Variants in IMMP2L observed in about 807,000 individuals in gnomAD.
IMMP2L encodes the protein inner mitochondrial membrane peptidase subunit 2, also known as mitochondrial inner membrane protease subunit 2.
In IMMP2L, 18 loss-of-function variants were observed where a neutral mutation model predicts 19.3. The observed-to-expected ratio is 0.93, with a 90% CI of 0.64 to 1.38. IMMP2L has a LOEUF of 1.38. Among genes scored for constraint, IMMP2L ranks in the 40% most tolerant of loss-of-function variants. The pLI, the probability that IMMP2L is intolerant of heterozygous loss-of-function variation, is 0.00. For synonymous variants in IMMP2L, 76 were observed against 73.0 expected (o/e 1.04, Z -0.21); for missense variants, 233 against 218.2 (o/e 1.07, Z -0.43).
In IMMP2L at chr7:111,360,588, T is replaced by C. The variant is rs1414846110; in HGVS notation, c.239+126650A>G. ...ATCCCAGCACTTTTGGAAGCTGAGGTAGAAGGATTGCTTGAACCCAGGAGT... is the reference window on the plus strand; with the variant it reads ...ATCCCAGCACTTTTGGAAGCTGAGGCAGAAGGATTGCTTGAACCCAGGAGT... On this transcript the variant is annotated intron_variant, in intron 3 of 5. Transcript: ENST00000405709. Among the ~76,000 whole-genome samples, 5 of 152,110 alleles carry C rather than the reference T, an allele frequency of 3.3e-5. No individual in the cohort carries two copies. In the East Asian group the frequency reaches 9.7e-4, roughly 29 times the overall value.
intron 3 of IMMP2L, among the ~76,000 whole-genome samples, chr7:111,382,746 C>A (rs1443502562): frequency 6.6e-6 from 1 of 152,012 alleles, no homozygotes; most frequent in South Asian, 2.1e-4. Context: ...CAAACCTGAA[C>A]AGAAGAAAGA....
At chr7:111,390,482 T>C (rs562400238) in intron 3 of IMMP2L, 7 of 152,312 alleles carry the variant, frequency 4.6e-5, no homozygotes, top group Non-Finnish European at 1.0e-4. Context: ...TTTTATAATT[T>C]TGTCTTGTGA....
intron 3 of IMMP2L, among the ~76,000 whole-genome samples, chr7:111,367,328 G>A (rs992511780): frequency 6.6e-6 from 1 of 151,680 alleles, no homozygotes; most frequent in Non-Finnish European, 1.5e-5. Flanking sequence ...AGCACAAAAG[G>A]ACATACGCTA....
chr7:111,337,676 T>A (rs1283825702), intron 3 of IMMP2L, among the ~76,000 whole-genome samples: 2 of 143,824 alleles, frequency 1.4e-5, no homozygotes, highest in African/African-American at 2.6e-5. Context: ...TGGGCAGATG[T>A]ATGGACAGTT....
intron 5 of IMMP2L, among the ~76,000 whole-genome samples, chr7:110,834,569 T>C (rs925158968): frequency 9.2e-5 from 14 of 152,132 alleles, no homozygotes; most frequent in Non-Finnish European, 2.9e-5. Context: ...AGTATAAACA[T>C]ATATACCTCA....
intron 3 of IMMP2L, among the ~76,000 whole-genome samples, chr7:111,073,433 A>C (rs1373435955): frequency 6.6e-6 from 1 of 152,192 alleles, no homozygotes; most frequent in African/African-American, 2.4e-5. Context: ...CAAAATTGAA[A>C]GTTAAAAATT....
chr7:110,925,783 T>A (rs1814784557), intron 4 of IMMP2L, among the ~76,000 whole-genome samples: 1 of 151,974 alleles, frequency 6.6e-6, no homozygotes, highest in Admixed American at 6.6e-5. Context: ...GAATGAATGA[T>A]CCTGTTCTCA....
intron 3 of IMMP2L, among the ~76,000 whole-genome samples, chr7:110,964,677 A>G (rs1398591795): frequency 6.6e-6 from 1 of 152,022 alleles, no homozygotes; most frequent in South Asian, 2.1e-4. Flanking sequence ...TGTGAGGTCA[A>G]TAGTTTATGG....
At chr7:110,919,608 T>G (rs950808997) in intron 4 of IMMP2L, among the ~76,000 whole-genome samples, 2 of 152,172 alleles carry the variant, frequency 1.3e-5, no homozygotes, top group African/African-American at 2.4e-5. Flanking sequence ...GAGAGGAGAT[T>G]GAACCAGAAA....
At chr7:111,517,436 T>C (rs1168644535) in intron 2 of IMMP2L, among the ~76,000 whole-genome samples, 2 of 137,862 alleles carry the variant, frequency 1.5e-5, no homozygotes, top group South Asian at 2.2e-4. Flanking sequence ...GTAAAAATTA[T>C]GTATCAATTG....
At chr7:111,057,374 T>C (rs140323572) in intron 3 of IMMP2L, among the ~76,000 whole-genome samples, 1 of 151,880 alleles carries the variant, frequency 6.6e-6, no homozygotes, top group Non-Finnish European at 1.5e-5. Flanking sequence ...TTTAAAACAA[T>C]AGTCTTTTTC....
chr7:110,829,687 C>T (rs998048692), intron 5 of IMMP2L, among the ~76,000 whole-genome samples: 1 of 152,122 alleles, frequency 6.6e-6, no homozygotes, highest in African/African-American at 2.4e-5. Context: ...TAATGTTATA[C>T]TTTCCTTTTA....
At chr7:111,070,522 T>G (rs1794863061) in intron 3 of IMMP2L, among the ~76,000 whole-genome samples, 2 of 152,178 alleles carry the variant, frequency 1.3e-5, no homozygotes, top group Non-Finnish European at 2.9e-5. Context: ...TATTTTTGAC[T>G]AAGAAAATAA....
intron 3 of IMMP2L, among the ~76,000 whole-genome samples, chr7:111,337,467 TGGA>T (rs1406313298): frequency 2.3e-3 from 333 of 144,026 alleles, no homozygotes; most frequent in African/African-American, 8.4e-3. Flanking sequence ...GATGGATGGA[TGGA>T]TGGATGGATG....
chr7:110,798,493 G>A (rs569059558), intron 5 of IMMP2L, among the ~76,000 whole-genome samples: 15 of 151,984 alleles, frequency 9.9e-5, no homozygotes, highest in East Asian at 3.9e-4. Flanking sequence ...AAACTTAGAC[G>A]GATGAATGAT....
At chr7:111,096,527 C>T (rs1469435105) in intron 3 of IMMP2L, among the ~76,000 whole-genome samples, 1 of 144,742 alleles carries the variant, frequency 6.9e-6, no homozygotes, top group African/African-American at 2.5e-5. Context: ...AAAAACAAAA[C>T]AAAACCCACA....
chr7:111,292,052 T>C (rs1821171022), intron 3 of IMMP2L, among the ~76,000 whole-genome samples: 1 of 152,168 alleles, frequency 6.6e-6, no homozygotes, highest in Non-Finnish European at 1.5e-5. Flanking sequence ...ATCACTCATA[T>C]AATATCTCTT....
At chr7:111,452,998 A>G (rs1224696093) in intron 3 of IMMP2L, among the ~76,000 whole-genome samples, 1 of 152,166 alleles carries the variant, frequency 6.6e-6, no homozygotes, top group African/African-American at 2.4e-5. Context: ...TAGGAGCTCT[A>G]CTGAATAAAT....
At chr7:110,968,469 T>C (rs1819789713) in intron 3 of IMMP2L, among the ~76,000 whole-genome samples, 1 of 152,056 alleles carries the variant, frequency 6.6e-6, no homozygotes, top group Non-Finnish European at 1.5e-5. Context: ...GCCCAGAAGT[T>C]CGAGACCAGC....
Sources: allele counts gnomAD v4.1 joint callset (sites outside exome capture counted in the v4.1 genomes callset), GRCh38; gene constraint gnomAD v4.1.1; transcripts MANE v1.5; gene names NCBI Gene and HGNC (gene_info 2026-07-23, HGNC 2026-07-21).